Variants in LMTK3 observed in about 807,000 individuals in gnomAD.
LMTK3 encodes lemur tail kinase 3, also known as serine/threonine-protein kinase LMTK3.
A neutral mutation model predicts 116.7 loss-of-function variants in LMTK3; 27 were observed. The ratio of observed to expected loss-of-function variants is 0.23; its 90% CI spans 0.17 to 0.32. The LOEUF (loss-of-function observed/expected upper bound fraction) is 0.32, where lower values mean the gene tolerates loss of function less well. Ranked by LOEUF, LMTK3 falls within the 10% of genes least tolerant of loss-of-function variation. The pLI is 1.00. For missense variants in LMTK3, 1,764 were observed against 2,068.5 expected (o/e 0.85, Z 2.86); for synonymous variants, 965 against 971.0 (o/e 0.99, Z 0.11).
chr19:48,491,198 C>G lies in LMTK3; in HGVS notation c.4276G>C (p.Gly1426Arg). The G allele has an allele frequency of 8.0e-7, 1 of 1,252,832 alleles. No homozygotes were observed. Among genetic ancestry groups the G allele is most frequent in the Non-Finnish European group, 1.0e-6 (1 of 1,001,720 alleles). The allele number at this position is 1,252,832 out of a possible 1,614,324, so 77.6% of individuals were successfully genotyped here. The change falls in exon 14 of 15, where the codon GGC (glycine) becomes CGC (arginine). Residue 1426 changes from glycine (G) to arginine (R), a missense_variant. Transcript: ENST00000600059. The surrounding 1 kb of genome is among the most constrained non-coding windows in gnomAD (Gnocchi z 5.1). Reference sequence around the variant, plus strand: ...AAGCGGGAGAAGCACAGCGGGGGGCCTGGAGGGGGGAGGAGGGGGAAATCC... The same window carrying G: ...AAGCGGGAGAAGCACAGCGGGGGGCGTGGAGGGGGGAGGAGGGGGAAATCC... The part of the protein sequence containing the change: ...AEDFPLLPPP[G>R]PPLCFSRFSV...
chr19:48,494,051 C>T lies in LMTK3; in HGVS notation c.3735G>A (p.Gly1245=), dbSNP rs1972281183. 2 of 1,184,122 alleles carry T rather than the reference C, an allele frequency of 1.7e-6. No individual in the cohort carries two copies. The highest frequency in any genetic ancestry group is 1.6e-5 in the African/African-American group (1 of 62,568). The allele number at this position is 1,184,122 out of a possible 1,614,324, so 73.4% of individuals were successfully genotyped here. Residue 1245 remains glycine (G), a synonymous_variant, in exon 12 of 15, where the codon GGG becomes GGA. Transcript: ENST00000600059. The surrounding 1 kb of genome is among the most constrained non-coding windows in gnomAD (Gnocchi z 4.0). The part of the protein sequence containing the change: ...LPPLTLTPFP[G]PGPRRPPWEG... ...CCCACGGGGGCCGCCGCGGGCCCGG[C>T]CCCGGGAATGGCGTGAGCGTGAGCG...
At chr19:48,492,532 C>T (rs993944126) in intron 12 of LMTK3, among the ~76,000 whole-genome samples, 1 of 152,114 alleles carries the variant, frequency 6.6e-6, no homozygotes, top group Non-Finnish European at 1.5e-5. Context: ...AAGACCCGTC[C>T]CAGTCGTTAG....
intron 12 of LMTK3, among the ~76,000 whole-genome samples, chr19:48,492,636 T>C (rs930098348): frequency 6.6e-6 from 1 of 152,014 alleles, no homozygotes; most frequent in Non-Finnish European, 1.5e-5. Context: ...CCTTCCCTAG[T>C]GGGTAAGATC....
chr19:48,489,256 A>C (rs1972178822), intron 14 of LMTK3, among the ~76,000 whole-genome samples: 1 of 152,190 alleles, frequency 6.6e-6, no homozygotes, highest in Non-Finnish European at 1.5e-5. Flanking sequence ...GACTTAATTA[A>C]GTGCAGTAAT....
chr19:48,507,990 G>GA (rs1372087100), intron 5 of LMTK3, among the ~76,000 whole-genome samples: 4 of 152,142 alleles, frequency 2.6e-5, no homozygotes, highest in Non-Finnish European at 4.4e-5. Flanking sequence ...CTGAGGAAGG[G>GA]AAGGGGCCCC....
At position 48,500,434 on chromosome 19, in the gene LMTK3, AAGAGAGAGAGGGACAGAGACCC is replaced by A. The variant is rs910029735; in HGVS notation, c.1152-539_1152-518del. Among the ~76,000 whole-genome samples, 11 of 143,030 alleles carry A rather than the reference AAGAGAGAGAGGGACAGAGACCC, an allele frequency of 7.7e-5. No individual in the cohort carries two copies. The highest frequency in any genetic ancestry group is 2.3e-4 in the East Asian group (1 of 4,368). The allele number at this position is 143,030 out of a possible 152,430, so 93.8% of individuals were successfully genotyped here. The stretch of plus-strand genomic sequence containing the variant: ...AGCAAAAATCTGCCAAAAAAAAAGA[AAGAGAGAGAGGGACAGAGACCC>A]AGAGAGAGAGGGACAGAGACCCAGA... On this transcript the variant is annotated intron_variant, in intron 10 of 14. Transcript: ENST00000600059. The surrounding 1 kb of genome is among the most constrained non-coding windows in gnomAD (Gnocchi z 4.0).
At chr19:48,495,235 C>T (rs1972304897) in intron 11 of LMTK3, among the ~76,000 whole-genome samples, 1 of 152,076 alleles carries the variant, frequency 6.6e-6, no homozygotes, top group Admixed American at 6.5e-5. Context: ...GTCTCGAACT[C>T]CTGACCTCAG....
chr19:48,504,296 C>G (rs961472286), intron 5 of LMTK3, among the ~76,000 whole-genome samples: 2 of 152,212 alleles, frequency 1.3e-5, no homozygotes, highest in African/African-American at 2.4e-5. Flanking sequence ...GTTGGATACC[C>G]TCCCCTTTAC....
chr19:48,506,967 T>A (rs1160731260), intron 5 of LMTK3, among the ~76,000 whole-genome samples: 3 of 152,086 alleles, frequency 2.0e-5, no homozygotes, highest in Non-Finnish European at 4.4e-5. Flanking sequence ...CCTGGCCAAT[T>A]TTTTTGTATT....
intron 5 of LMTK3, among the ~76,000 whole-genome samples, chr19:48,508,448 G>C (rs1441167545): frequency 6.6e-6 from 1 of 152,110 alleles, no homozygotes; most frequent in Non-Finnish European, 1.5e-5. Context: ...ACAGTGGCCT[G>C]CTCGGGCACC....
rs374816352 is a variant in LMTK3, at chr19:48,501,314, C to A, written c.970G>T (p.Val324Leu). ...TTGCTCTCGCGGCTCTGGTCCACCA[C>A]CATGAAGGTCCCGTGGAGCTCCCCG... The part of the protein sequence containing the change: ...LLGELHGTFM[V>L]VDQSRESNIW... Residue 324 changes from valine (V) to leucine (L), a missense_variant, in exon 9 of 15, where the codon GTG becomes TTG. Val to Leu is a conservative substitution (Grantham distance 32, BLOSUM62 1). This residue lies in a region of LMTK3 where 271 missense variants were observed against 478.2 expected (regional missense o/e 0.57). Transcript: ENST00000600059. The A allele has an allele frequency of 6.2e-7, 1 of 1,613,482 alleles. No homozygotes were observed. Among genetic ancestry groups the A allele is most frequent in the Non-Finnish European group, 8.5e-7 (1 of 1,179,794 alleles).
intron 14 of LMTK3, among the ~76,000 whole-genome samples, chr19:48,488,270 G>T (rs975349823): frequency 6.6e-6 from 1 of 152,078 alleles, no homozygotes; most frequent in East Asian, 1.9e-4. Flanking sequence ...GAAGCCTGAG[G>T]ATGCAGCCAA....
intron 14 of LMTK3, among the ~76,000 whole-genome samples, chr19:48,489,352 C>T (rs1164084355): frequency 2.6e-5 from 4 of 152,272 alleles, no homozygotes; most frequent in South Asian, 2.1e-4. Context: ...GCGGGCAGAT[C>T]GCCTGAGGTC....
intron 14 of LMTK3, among the ~76,000 whole-genome samples, chr19:48,487,254 C>T (rs1972141992): frequency 1.3e-5 from 2 of 152,192 alleles, no homozygotes; most frequent in South Asian, 2.1e-4. Context: ...AAGCTGGTCT[C>T]GAACTCCTGA....
intron 5 of LMTK3, among the ~76,000 whole-genome samples, chr19:48,503,809 C>T (rs1569105838): frequency 6.6e-6 from 1 of 151,204 alleles, no homozygotes; most frequent in Non-Finnish European, 1.5e-5. Context: ...CTCTCTCTCT[C>T]TTTTTTTTCC....
Position 48,510,410 on chromosome 19 carries a change from G to C in LMTK3, c.210+49C>G, listed in dbSNP as rs571455048. 4.1e-5 allele frequency: 64 copies of C among 1,565,418 alleles called. 2 individuals are homozygous for C. The East Asian group carries it at 4.2e-4, about 10-fold the overall frequency. ...CCAACCACCTGTGTAGGGGGTAAAG[G>C]CCTTGCTGGAGTCTTCCTCCCCAAG... On this transcript the variant is annotated intron_variant, in intron 2 of 14. Coordinates refer to ENST00000600059, the MANE Select transcript of LMTK3 (RefSeq NM_001388485.1).
chr19:48,502,520 G>T lies in LMTK3; in HGVS notation c.707C>A (p.Pro236His). 2.5e-6 allele frequency: 4 copies of T among 1,606,650 alleles called. No homozygotes were observed. Among genetic ancestry groups the T allele is most frequent in the Non-Finnish European group, 2.5e-6 (3 of 1,177,104 alleles). The part of the protein sequence containing the change: ...RPPEGLSPEL[P>H]PRDLRTLQRM... ...CTGCAGCGTCCGCAGGTCTCGAGGG[G>T]GTAGCTCAGGGGACAGGCCCTCGGG... is the stretch of plus-strand genomic sequence containing the variant. Residue 236 changes from proline (P) to histidine (H), a missense_variant, in exon 7 of 15, where the codon CCC (proline) becomes CAC (histidine). Pro to His is a moderately conservative substitution (Grantham distance 77). Transcript: ENST00000600059.
chr19:48,497,438 A>G lies in LMTK3; in HGVS notation c.3631T>C (p.Phe1211Leu). The G allele has an allele frequency of 6.5e-7, 1 of 1,537,298 alleles. No individual in the cohort carries two copies. Among genetic ancestry groups the G allele is most frequent in the Non-Finnish European group, 8.7e-7 (1 of 1,145,458 alleles). ...CCCTGAGGGGGTCCCAAGTCCAAGA[A>G]TAGTCGTGGCATCTCGGGGCCCTTC... ...ERKGPEMPRL[F>L]LDLGPPQGNS... The change falls in exon 11 of 15, where the codon TTC (phenylalanine) becomes CTC (leucine). Residue 1211 changes from phenylalanine (F) to leucine (L), a missense_variant. Phe to Leu is a conservative substitution (Grantham distance 22, BLOSUM62 0). Around this residue, in one of 7 missense-constraint regions of LMTK3, gnomAD observed 39 missense variants for 75.4 expected, o/e 0.52. Transcript: ENST00000600059. This position sits in a 1 kb window ranked among gnomAD's most constrained non-coding sequence, Gnocchi z 5.7.
In LMTK3 at chr19:48,491,020, A is replaced by T. The variant is rs1004212071; in HGVS notation, c.4366+88T>A. On this transcript the variant is annotated intron_variant, in intron 14 of 14. Coordinates refer to ENST00000600059, the MANE Select transcript of LMTK3 (RefSeq NM_001388485.1). The surrounding 1 kb of genome is among the most constrained non-coding windows in gnomAD (Gnocchi z 5.1). ...AGAGACTGGGAAGAGAGAGGCAGGG[A>T]CATTGAAAGATGGTCACAAGAAGTT... 2 of 813,126 alleles carry T rather than the reference A, an allele frequency of 2.5e-6. No individual in the cohort carries two copies. Among genetic ancestry groups the T allele is most frequent in the African/African-American group, 3.6e-5 (2 of 56,084 alleles). The allele number at this position is 813,126 out of a possible 1,614,324, so 50.4% of individuals were successfully genotyped here. A position where few individuals can be genotyped will look rare whatever the true frequency, so the allele number is the denominator to read the frequency against.
Sources: allele counts gnomAD v4.1 joint callset (sites outside exome capture counted in the v4.1 genomes callset), GRCh38; gene constraint gnomAD v4.1.1; regional missense constraint gnomAD v4.1.1; non-coding constraint Gnocchi (gnomAD v3.1); transcripts MANE v1.5; gene names NCBI Gene and HGNC (gene_info 2026-07-23, HGNC 2026-07-21).